PHF21A: variants seen among roughly 807,000 people sequenced by gnomAD.
PHF21A encodes the protein BHC80a.
Under a neutral mutation model 82.5 loss-of-function variants are expected in PHF21A, and 11 were observed. The observed-to-expected ratio is 0.13, with a 90% confidence interval of 0.08 to 0.22. PHF21A has a LOEUF of 0.22. Among genes scored for constraint, PHF21A ranks in the 10% least tolerant of loss-of-function variants. The probability of loss-of-function intolerance (pLI) is 1.00; values close to 1 mark genes in which losing one functional copy is unlikely to be tolerated. For missense variants in PHF21A, 579 were observed against 837.8 expected, an observed-to-expected ratio of 0.69 and a Z score of 3.81; for synonymous variants, 297 against 302.8, an observed-to-expected ratio of 0.98 and a Z score of 0.20.
intron 6 of PHF21A, among the ~76,000 whole-genome samples, chr11:46,010,358 C>T (rs1222771995): frequency 6.6e-6 from 1 of 152,164 alleles, no homozygotes; most frequent in Non-Finnish European, 1.5e-5. Flanking sequence ...CATTATGTTA[C>T]TTATACCTCG....
intron 6 of PHF21A, among the ~76,000 whole-genome samples, chr11:46,072,795 TC>T (rs1249107406): frequency 3.9e-5 from 6 of 152,088 alleles, no homozygotes; most frequent in Non-Finnish European, 5.9e-5. Flanking sequence ...AGCAAACTGT[TC>T]AGGCTGGGGA....
chr11:46,024,079 T>C (rs528035916), intron 6 of PHF21A, among the ~76,000 whole-genome samples: 3 of 152,350 alleles, frequency 2.0e-5, no homozygotes, highest in East Asian at 1.9e-4. Context: ...CAATTGGTTA[T>C]GAAAGCAAGG....
At chr11:45,962,849 T>C (rs10769177) in intron 10 of PHF21A, among the ~76,000 whole-genome samples, 133,230 of 151,500 alleles carry the variant, frequency 0.88, 58,812 homozygotes, top group East Asian at 1. Context: ...GCCGGGATCG[T>C]GCCACTGCAC....
chr11:46,095,349 CTTAG>C (rs1248144633), intron 1 of PHF21A, among the ~76,000 whole-genome samples: 2 of 152,174 alleles, frequency 1.3e-5, no homozygotes, highest in Non-Finnish European at 2.9e-5. Flanking sequence ...TTAAAAGCCA[CTTAG>C]TTTGTTTCTC....
At chr11:46,029,667 C>T (rs2095825644) in intron 6 of PHF21A, among the ~76,000 whole-genome samples, 1 of 138,278 alleles carries the variant, frequency 7.2e-6, no homozygotes, top group African/African-American at 2.9e-5. Flanking sequence ...GAGCCTCCGT[C>T]TCAAAAAAAA....
Position 45,935,719 on chromosome 11 carries a change from T to A in PHF21A, c.1705A>T (p.Lys569Ter). Residue 569 changes from lysine (K) to a stop codon, truncating the protein, a stop_gained, in exon 18 of 19, where the codon AAG becomes TAG. Transcript: ENST00000676320. LOFTEE classifies it high-confidence loss of function. ...AAATCTGAACTCCATTTAAGTAACT[T>A]CTGTTTCTCTTCTTCTTTTGCTAAA... ...YKAAKEEEKQ[K>*]LLKWSSDLKQ... 1 of 1,288,780 alleles carries A rather than the reference T, an allele frequency of 7.8e-7. No individual in the cohort carries two copies. Among genetic ancestry groups the A allele is most frequent in the Non-Finnish European group, 1.1e-6 (1 of 908,390 alleles). 79.8% of individuals were successfully genotyped at this position (1,288,780 alleles called of 1,614,324 possible). A position where few individuals can be genotyped will look rare whatever the true frequency, so the allele number is the denominator to read the frequency against.
intron 6 of PHF21A, among the ~76,000 whole-genome samples, chr11:46,026,197 G>T (rs1367773843): frequency 1.3e-5 from 2 of 152,052 alleles, no homozygotes; most frequent in Non-Finnish European, 2.9e-5. Flanking sequence ...CAGTCCTTTG[G>T]GGATAGATAT....
At chr11:46,099,150 T>C (rs2097051030) in intron 1 of PHF21A, among the ~76,000 whole-genome samples, 1 of 151,968 alleles carries the variant, frequency 6.6e-6, no homozygotes, top group South Asian at 2.1e-4. Context: ...CACACAAAAA[T>C]AAATTCAACA....
rs527611410 is a variant in PHF21A at position 45,972,026 on chromosome 11, T to C, written c.361-659A>G. ...CCAGATAATGAAACATGTTAGCCAA[T>C]GAGTATATAGTAAATACCAGTTCTT... On this transcript the variant is annotated intron_variant, in intron 7 of 18. Transcript: ENST00000676320. Among the ~76,000 whole-genome samples, 291 of 151,724 alleles carry C rather than the reference T, an allele frequency of 1.9e-3. 1 individual carries two copies. The highest frequency in any genetic ancestry group is 2.1e-3 in the Non-Finnish European group (143 of 67,922).
intron 6 of PHF21A, among the ~76,000 whole-genome samples, chr11:46,033,251 T>G (rs1178417655): frequency 2.0e-5 from 3 of 152,174 alleles, no homozygotes; most frequent in Non-Finnish European, 2.9e-5. Context: ...CTGATTCCAT[T>G]TTCTGTTGTT....
chr11:46,049,953 G>A (rs2096324707), intron 6 of PHF21A, among the ~76,000 whole-genome samples: 2 of 152,338 alleles, frequency 1.3e-5, no homozygotes, highest in Non-Finnish European at 1.5e-5. Context: ...TCAGACCTGT[G>A]ATTAACTCAA....
intron 6 of PHF21A, among the ~76,000 whole-genome samples, chr11:46,066,327 C>T (rs1299975754): frequency 1.3e-5 from 2 of 152,076 alleles, no homozygotes; most frequent in Non-Finnish European, 2.9e-5. Context: ...GCCATATGTA[C>T]ATACATATAA....
At position 45,949,495 on chromosome 11, in the gene PHF21A, A is replaced by G. The variant is rs2091815507; in HGVS notation, c.1148-14T>C. 1 of 1,611,954 alleles carries G rather than the reference A, an allele frequency of 6.2e-7. No individual in the cohort carries two copies. Among genetic ancestry groups the G allele is most frequent in the Non-Finnish European group, 8.5e-7 (1 of 1,177,970 alleles). On this transcript the variant is annotated splice_polypyrimidine_tract_variant and intron_variant, in intron 12 of 18. Transcript: ENST00000676320. The stretch of plus-strand genomic sequence containing the variant: ...TGCTTTGGATTTCTTGAGAGAAGAA[A>G]AGGTTTTCATTAGCAGAGAGGCATG...
chr11:45,934,797 T>TA (rs976205675), intron 18 of PHF21A: 7 of 349,704 alleles, frequency 2.0e-5, no homozygotes, highest in East Asian at 7.5e-5. Context: ...GCCGGGGACT[T>TA]AGAGTCTTTT....
chr11:46,000,023 A>G (rs1224183689), intron 6 of PHF21A, among the ~76,000 whole-genome samples: 1 of 152,214 alleles, frequency 6.6e-6, no homozygotes, highest in East Asian at 1.9e-4. Context: ...ATAAGTAAAA[A>G]TAATGATCTA....
At chr11:46,109,882 G>A (rs1387449758) in intron 1 of PHF21A, among the ~76,000 whole-genome samples, 1 of 151,774 alleles carries the variant, frequency 6.6e-6, no homozygotes, top group East Asian at 1.9e-4. Context: ...CGGGAAGGCT[G>A]AGGAAGGAGA....
intron 15 of PHF21A, among the ~76,000 whole-genome samples, chr11:45,943,121 CTTT>C (rs3061870): frequency 7.2e-4 from 81 of 112,118 alleles, no homozygotes; most frequent in Non-Finnish European, 7.3e-4. Context: ...TCTTTCTTTC[CTTT>C]TTTTTTTTTT....
At chr11:45,957,377 T>G (rs2092716032) in intron 10 of PHF21A, among the ~76,000 whole-genome samples, 2 of 152,262 alleles carry the variant, frequency 1.3e-5, no homozygotes, top group South Asian at 4.1e-4. Context: ...ACAGATTATA[T>G]GTTAGGCCAC....
intron 6 of PHF21A, among the ~76,000 whole-genome samples, chr11:46,066,347 AGATATTT>A (rs2096594126): frequency 6.6e-6 from 1 of 152,188 alleles, no homozygotes; most frequent in African/African-American, 2.4e-5. Context: ...AATATATATT[AGATATTT>A]ATCTGTATGG....
Sources: allele counts gnomAD v4.1 joint callset (sites outside exome capture counted in the v4.1 genomes callset), GRCh38; gene constraint gnomAD v4.1.1; transcripts MANE v1.5; gene names NCBI Gene and HGNC (gene_info 2026-07-23, HGNC 2026-07-21).